CSMD1: variants seen among roughly 807,000 people sequenced by gnomAD.
CSMD1 encodes CUB and sushi domain-containing protein 1.
CSMD1 carries 213 observed loss-of-function variants against 417.5 expected under a neutral mutation model. The observed-to-expected ratio is 0.51, with a 90% CI of 0.46 to 0.57. The LOEUF (loss-of-function observed/expected upper bound fraction) is 0.57, where lower values mean the gene tolerates loss of function less well. Ranked by LOEUF, CSMD1 falls within the 20% of genes least tolerant of loss-of-function variation. The pLI is 0.00. For missense variants in CSMD1, 6,923 were observed against 4,529.7 expected (o/e 1.53, Z -15.17); for synonymous variants, 2,862 against 1,736.8 (o/e 1.65, Z -16.11).
At chr8:3,111,211 C>T (rs1192137129) in intron 42 of CSMD1, among the ~76,000 whole-genome samples, 2 of 152,108 alleles carry the variant, frequency 1.3e-5, no homozygotes, top group African/African-American at 4.8e-5. Context: ...AATACACAAA[C>T]AGATAAACAA....
chr8:3,986,790 CT>C (rs1563287336), intron 5 of CSMD1, among the ~76,000 whole-genome samples: 1 of 152,000 alleles, frequency 6.6e-6, no homozygotes, highest in Non-Finnish European at 1.5e-5. Context: ...GAGTCTCACC[CT>C]GTTGCCCAGG....
chr8:4,776,203 C>G (rs775967127), intron 1 of CSMD1, among the ~76,000 whole-genome samples: 1 of 151,988 alleles, frequency 6.6e-6, no homozygotes, highest in Non-Finnish European at 1.5e-5. Context: ...CCCATGGTCA[C>G]TCTAGGAAGT....
chr8:4,799,598 CAAAAAAAA>C (rs1168273531), intron 1 of CSMD1, among the ~76,000 whole-genome samples: 5 of 47,168 alleles, frequency 1.1e-4, no homozygotes, highest in Admixed American at 3.9e-4. Flanking sequence ...GACTCCGTCT[CAAAAAAAA>C]AAAAAAAAAA....
intron 21 of CSMD1, among the ~76,000 whole-genome samples, chr8:3,352,665 C>T (rs891222454): frequency 6.6e-6 from 1 of 152,054 alleles, no homozygotes; most frequent in Non-Finnish European, 1.5e-5. Context: ...CATGGTGAAA[C>T]CCTATCTCTA....
At chr8:4,151,852 C>T (rs567468000) in intron 3 of CSMD1, among the ~76,000 whole-genome samples, 1 of 152,034 alleles carries the variant, frequency 6.6e-6, no homozygotes, top group East Asian at 1.9e-4. Flanking sequence ...ATTATATTTC[C>T]ATGTACCTTT....
At chr8:3,411,201 G>C (rs1812678008) in intron 12 of CSMD1, among the ~76,000 whole-genome samples, 1 of 152,204 alleles carries the variant, frequency 6.6e-6, no homozygotes, top group Non-Finnish European at 1.5e-5. Flanking sequence ...CAGGTGAAAA[G>C]TGAGTCCCAG....
intron 46 of CSMD1, among the ~76,000 whole-genome samples, chr8:3,103,891 G>T (rs138522575): frequency 1.4e-4 from 21 of 151,834 alleles, no homozygotes; most frequent in African/African-American, 4.6e-4. Context: ...TTACAGGCAC[G>T]TGCCACCACA....
intron 15 of CSMD1, among the ~76,000 whole-genome samples, chr8:3,404,925 T>C (rs116693508): frequency 0.025 from 3,791 of 152,248 alleles, 140 homozygotes; most frequent in South Asian, 0.14. Context: ...CTGCTATAAA[T>C]AGTCTTGCAG....
chr8:4,846,644 G>T (rs1024579921), intron 1 of CSMD1, among the ~76,000 whole-genome samples: 6 of 152,160 alleles, frequency 3.9e-5, no homozygotes, highest in African/African-American at 1.4e-4. Context: ...TAATAGCTAA[G>T]GATGACAACA....
chr8:3,452,843 G>T lies in CSMD1; in HGVS notation c.1561+15869C>A, dbSNP rs578209210. Among the ~76,000 whole-genome samples, 42 of 152,320 alleles carry T rather than the reference G, an allele frequency of 2.8e-4. 1 individual carries two copies. Among genetic ancestry groups the T allele is most frequent in the African/African-American group, 9.4e-4 (39 of 41,572 alleles). On this transcript the variant is annotated intron_variant, in intron 12 of 69. Coordinates refer to ENST00000635120, the MANE Select transcript of CSMD1 (RefSeq NM_033225.6). ...GATGTTGGCCTCATAAAATGAGTTAGGGAGGATTCCCTCTTTTTCTATTGA... is the reference window on the plus strand; with the variant it reads ...GATGTTGGCCTCATAAAATGAGTTATGGAGGATTCCCTCTTTTTCTATTGA...
rs934984319 is a variant in CSMD1 at position 3,838,418 on chromosome 8, T to G, written c.819-84376A>C. Among the ~76,000 whole-genome samples, 4 of 150,448 alleles carry G rather than the reference T, an allele frequency of 2.7e-5. No individual in the cohort carries two copies. In the Admixed American group the frequency reaches 2.7e-4, roughly 10 times the overall value. On this transcript the variant is annotated intron_variant, in intron 5 of 69. Coordinates refer to ENST00000635120, the MANE Select transcript of CSMD1 (RefSeq NM_033225.6). ...ATAGCCTATATATATAGAGAGAGAC[T>G]ATATATAGAGGGAGTGTAAGAGTAT... is the stretch of plus-strand genomic sequence containing the variant.
chr8:3,550,872 T>C (rs1051202874), intron 10 of CSMD1, among the ~76,000 whole-genome samples: 1 of 152,212 alleles, frequency 6.6e-6, no homozygotes, highest in African/African-American at 2.4e-5. Flanking sequence ...TGCATTCCCA[T>C]GTTGCCAATC....
chr8:3,777,725 G>T (rs556562835), intron 5 of CSMD1, among the ~76,000 whole-genome samples: 1 of 150,672 alleles, frequency 6.6e-6, no homozygotes, highest in Non-Finnish European at 1.5e-5. Context: ...AGAGTCTCAG[G>T]CCACACTCCA....
At chr8:3,184,301 C>G (rs151036188) in intron 36 of CSMD1, among the ~76,000 whole-genome samples, 340 of 152,236 alleles carry the variant, frequency 2.2e-3, no homozygotes, top group African/African-American at 7.1e-3. Flanking sequence ...GTTTATCAGC[C>G]AGATAAACTA....
At chr8:3,434,082 G>C (rs562039203) in intron 12 of CSMD1, among the ~76,000 whole-genome samples, 6 of 152,288 alleles carry the variant, frequency 3.9e-5, no homozygotes, top group African/African-American at 1.4e-4. Context: ...TGAGGTCTTA[G>C]TAGCATCTGA....
intron 12 of CSMD1, among the ~76,000 whole-genome samples, chr8:3,455,921 G>GAGGC (rs1816094362): frequency 6.6e-6 from 1 of 152,230 alleles, no homozygotes; most frequent in Non-Finnish European, 1.5e-5. Flanking sequence ...GGAGTCTACA[G>GAGGC]AGGCAGGCAG....
intron 25 of CSMD1, among the ~76,000 whole-genome samples, chr8:3,296,897 G>C (rs775191724): frequency 3.9e-5 from 6 of 152,150 alleles, no homozygotes; most frequent in Non-Finnish European, 7.3e-5. Context: ...GGGGTATGTA[G>C]GTAGCTGTTC....
chr8:3,025,319 A>T, intron 51 of CSMD1, among the ~76,000 whole-genome samples: 1 of 151,410 alleles, frequency 6.6e-6, no homozygotes, highest in Non-Finnish European at 1.5e-5. Flanking sequence ...TGTTATTCTG[A>T]AACCGTGTAT....
intron 5 of CSMD1, among the ~76,000 whole-genome samples, chr8:3,867,097 T>C (rs1475580562): frequency 6.6e-6 from 1 of 152,208 alleles, no homozygotes; most frequent in Non-Finnish European, 1.5e-5. Flanking sequence ...ATTGTAACCA[T>C]TTTGATTGAT....
Sources: allele counts gnomAD v4.1 joint callset (sites outside exome capture counted in the v4.1 genomes callset), GRCh38; gene constraint gnomAD v4.1.1; transcripts MANE v1.5; gene names NCBI Gene and HGNC (gene_info 2026-07-23, HGNC 2026-07-21).